LHFPL3: variants seen among roughly 807,000 people sequenced by gnomAD.
LHFPL3 encodes LHFPL tetraspan subfamily member 3.
In LHFPL3, 5 loss-of-function variants were observed where a neutral mutation model predicts 19.3. The observed-to-expected ratio is 0.26, with a 90% CI of 0.14 to 0.54. LHFPL3 has a LOEUF of 0.54. Among genes scored for constraint, LHFPL3 ranks in the 20% least tolerant of loss-of-function variants. The probability of loss-of-function intolerance (pLI) is 0.94; values close to 1 mark genes in which losing one functional copy is unlikely to be tolerated. For missense variants in LHFPL3, 249 were observed against 307.4 expected, an observed-to-expected ratio of 0.81 and a Z score of 1.42; for synonymous variants, 133 against 126.2, an observed-to-expected ratio of 1.05 and a Z score of -0.36.
At chr7:104,883,477 A>C (rs1414434189) in intron 2 of LHFPL3, among the ~76,000 whole-genome samples, 3 of 152,214 alleles carry the variant, frequency 2.0e-5, no homozygotes, top group South Asian at 2.1e-4. Context: ...GGCTGTTAAA[A>C]ATAAAAGCAG....
intron 2 of LHFPL3, among the ~76,000 whole-genome samples, chr7:104,811,175 C>A (rs1489142511): frequency 1.0e-5 from 1 of 99,390 alleles, no homozygotes; most frequent in African/African-American, 3.4e-5. Flanking sequence ...TCTTTCTTTT[C>A]TTTTCTTTTC....
rs987360756 is a variant in LHFPL3, at chr7:104,907,498, C to G, written c.*1283C>G. ...ACAATCATTTGCTCCCAGGCTTCCCCCATCATCACCCTCACCACATATCCT... is the reference window on the plus strand; with the variant it reads ...ACAATCATTTGCTCCCAGGCTTCCCGCATCATCACCCTCACCACATATCCT... On this transcript the variant is annotated 3_prime_UTR_variant, in exon 3 of 3. Coordinates refer to ENST00000424859, the MANE Select transcript of LHFPL3 (RefSeq NM_199000.3). 4.6e-5 allele frequency among the ~76,000 whole-genome samples: 7 copies of G among 152,104 alleles called. No individual in the cohort carries two copies. Among genetic ancestry groups the G allele is most frequent in the African/African-American group, 1.7e-4 (7 of 41,428 alleles).
intron 1 of LHFPL3, among the ~76,000 whole-genome samples, chr7:104,568,751 T>G (rs769611832): frequency 6.6e-6 from 1 of 152,086 alleles, no homozygotes; most frequent in Non-Finnish European, 1.5e-5. Flanking sequence ...TGGCGCAGAG[T>G]GTATTCTCCC....
At chr7:104,463,076 A>G (rs1341524399) in intron 1 of LHFPL3, among the ~76,000 whole-genome samples, 12 of 152,144 alleles carry the variant, frequency 7.9e-5, no homozygotes, top group Admixed American at 7.9e-4. Flanking sequence ...TGTGGGGTCA[A>G]TCGGGATAAT....
intron 2 of LHFPL3, among the ~76,000 whole-genome samples, chr7:104,880,286 C>T (rs1275402153): frequency 1.3e-5 from 2 of 151,898 alleles, no homozygotes; most frequent in Admixed American, 6.6e-5. Flanking sequence ...CCCTCCCTCT[C>T]TCATCATGTG....
intron 1 of LHFPL3, among the ~76,000 whole-genome samples, chr7:104,414,924 G>T (rs914274162): frequency 6.6e-6 from 1 of 152,132 alleles, no homozygotes; most frequent in Non-Finnish European, 1.5e-5. Context: ...GATGTGTTTG[G>T]ATTTAATGGT....
intron 1 of LHFPL3, among the ~76,000 whole-genome samples, chr7:104,542,926 G>A (rs940312603): frequency 6.6e-6 from 1 of 152,082 alleles, no homozygotes; most frequent in Non-Finnish European, 1.5e-5. Flanking sequence ...TGATAGACTG[G>A]ATAAAGAAAA....
intron 1 of LHFPL3, among the ~76,000 whole-genome samples, chr7:104,681,362 C>T (rs1358554221): frequency 6.6e-6 from 1 of 152,068 alleles, no homozygotes; most frequent in Admixed American, 6.5e-5. Flanking sequence ...TGGTGGCTCA[C>T]GCCTGTAATC....
At chr7:104,517,583 T>C (rs1035526048) in intron 1 of LHFPL3, among the ~76,000 whole-genome samples, 2 of 150,664 alleles carry the variant, frequency 1.3e-5, no homozygotes, top group Admixed American at 6.6e-5. Context: ...CTTGGCTCAC[T>C]GCACCCTCTG....
chr7:104,440,019 T>C (rs1275337146), intron 1 of LHFPL3, among the ~76,000 whole-genome samples: 2 of 108,320 alleles, frequency 1.8e-5, no homozygotes, highest in East Asian at 5.6e-4. Context: ...ACAAGATTAC[T>C]ATATAATACA....
intron 1 of LHFPL3, among the ~76,000 whole-genome samples, chr7:104,599,263 A>G (rs1165053942): frequency 1.3e-5 from 2 of 152,236 alleles, no homozygotes; most frequent in African/African-American, 4.8e-5. Flanking sequence ...ATAAATATAG[A>G]ATAACACTAA....
intron 1 of LHFPL3, among the ~76,000 whole-genome samples, chr7:104,493,310 C>A (rs1318961974): frequency 4.0e-5 from 6 of 151,780 alleles, no homozygotes; most frequent in Non-Finnish European, 7.4e-5. Flanking sequence ...CTACCCTACC[C>A]CAGGGAGTAG....
intron 1 of LHFPL3, among the ~76,000 whole-genome samples, chr7:104,581,514 C>T (rs1410230540): frequency 6.6e-6 from 1 of 151,932 alleles, no homozygotes; most frequent in African/African-American, 2.4e-5. Flanking sequence ...TTAAGGCAGG[C>T]TAATTTATCA....
At chr7:104,659,504 A>G (rs892188383) in intron 1 of LHFPL3, among the ~76,000 whole-genome samples, 10 of 152,218 alleles carry the variant, frequency 6.6e-5, no homozygotes, top group African/African-American at 2.4e-4. Context: ...GGAGTACTCC[A>G]TAATATATGG....
chr7:104,879,523 C>T (rs561232841), intron 2 of LHFPL3, among the ~76,000 whole-genome samples: 29 of 152,188 alleles, frequency 1.9e-4, no homozygotes, highest in African/African-American at 6.0e-4. Flanking sequence ...AGTTCGAGAC[C>T]AGCCTAGGCA....
rs376121074 is a variant in LHFPL3, at chr7:104,668,725, C to T, written c.446-67950C>T. ...AGGCGTGATGATAGAGGTCCCCCCC[C>T]CCCCAAAGACCCAAACTGAATCTAA... is the stretch of plus-strand genomic sequence containing the variant. On this transcript the variant is annotated intron_variant, in intron 1 of 2. Coordinates refer to ENST00000424859, the MANE Select transcript of LHFPL3 (RefSeq NM_199000.3). 90 of 1,585,154 alleles carry T rather than the reference C, an allele frequency of 5.7e-5. No individual in the cohort carries two copies. The East Asian group carries it at 1.8e-3, about 32-fold the overall frequency.
intron 1 of LHFPL3, among the ~76,000 whole-genome samples, chr7:104,649,065 T>C (rs1268423350): frequency 6.6e-6 from 1 of 152,228 alleles, no homozygotes; most frequent in African/African-American, 2.4e-5. Context: ...TGGCATCACT[T>C]AGCTGCTGCT....
chr7:104,865,659 T>C (rs1791707382), intron 2 of LHFPL3, among the ~76,000 whole-genome samples: 1 of 152,134 alleles, frequency 6.6e-6, no homozygotes. Context: ...CTGCAGGATA[T>C]TATCCAGGAG....
chr7:104,633,622 C>T lies in LHFPL3; in HGVS notation c.446-103053C>T, dbSNP rs142412989. On this transcript the variant is annotated intron_variant, in intron 1 of 2. Transcript: ENST00000424859. ...CTAAAATGATATCAGATGTACTGTC[C>T]ACTTGTTCATTACAATATGGCAGTG... Among the ~76,000 whole-genome samples the T allele has an allele frequency of 1.5e-3, 233 of 152,270 alleles. 3 individuals are homozygous for T. Among genetic ancestry groups the T allele is most frequent in the African/African-American group, 5.3e-3 (222 of 41,540 alleles).
Sources: gnomAD v4.1 joint callset for allele counts (sites outside exome capture counted in the v4.1 genomes callset) on GRCh38, gnomAD v4.1.1 for gene constraint, MANE v1.5 for transcripts, NCBI Gene and HGNC (gene_info 2026-07-23, HGNC 2026-07-21) for gene names.